The following KLHDC1 variants were observed in gnomAD, a reference collection of about 807,000 sequenced individuals.
The protein encoded by KLHDC1 is kelch domain-containing protein 1.
Under a neutral mutation model 68.3 loss-of-function variants are expected in KLHDC1, and 53 were observed. The observed-to-expected ratio is 0.78, with a 90% CI of 0.62 to 0.98. KLHDC1 has a LOEUF of 0.98. Among genes scored for constraint, KLHDC1 ranks in the 50% least tolerant of loss-of-function variants. The pLI is 0.00. For missense variants in KLHDC1, 470 were observed against 492.3 expected (o/e 0.95, Z 0.43); for synonymous variants, 148 against 159.0 (o/e 0.93, Z 0.52).
chr14:49,717,457 T>C (rs1888409001), intron 4 of KLHDC1, among the ~76,000 whole-genome samples: 2 of 152,206 alleles, frequency 1.3e-5, no homozygotes. Context: ...TGATTTGTAT[T>C]TTCCTAATGA....
chr14:49,706,455 T>C (rs555689122), intron 1 of KLHDC1, among the ~76,000 whole-genome samples: 1 of 152,320 alleles, frequency 6.6e-6, no homozygotes, highest in East Asian at 1.9e-4. Context: ...AGTGCAGATA[T>C]CTCTGCGATA....
At chr14:49,709,624 C>A in intron 2 of KLHDC1, 85 bp from the exon 3 acceptor site, 1 of 645,110 alleles carries the variant, frequency 1.6e-6, no homozygotes, top group Non-Finnish European at 2.6e-6. Flanking sequence ...ACAGTTTTCA[C>A]TGACAAAAGT....
chr14:49,695,998 G>A (rs1594642917), intron 1 of KLHDC1, among the ~76,000 whole-genome samples: 3 of 151,402 alleles, frequency 2.0e-5, no homozygotes, highest in East Asian at 2.0e-4. Context: ...CCCAGGAGGC[G>A]GAGCTTGCAG....
At chr14:49,708,008 T>C (rs1017496815) in intron 1 of KLHDC1, among the ~76,000 whole-genome samples, 1 of 151,768 alleles carries the variant, frequency 6.6e-6, no homozygotes, top group Admixed American at 6.6e-5. Flanking sequence ...CTTCTTAGCA[T>C]GTTAATAACT....
At chr14:49,693,420 A>G (rs560376486) in intron 1 of KLHDC1, 130 bp downstream of exon 1, 2 of 498,468 alleles carry the variant, frequency 4.0e-6, no homozygotes, top group South Asian at 2.0e-4. Flanking sequence ...GCAGCCCCCC[A>G]GCCCCTCCGC....
intron 12 of KLHDC1, among the ~76,000 whole-genome samples, chr14:49,748,239 G>C (rs1159820790): frequency 2.0e-5 from 3 of 152,206 alleles, no homozygotes; most frequent in African/African-American, 7.2e-5. Flanking sequence ...GGGAAAATGA[G>C]CTGGAGGTTA....
rs767154456 is a variant in KLHDC1, at chr14:49,728,947, C to A, written c.589C>A (p.Arg197=). ...EIKGGVPPQP[R]AAHTCAVLGN... The stretch of plus-strand genomic sequence containing the variant: ...GCAGGGTGGAGTTCCACCACAGCCA[C>A]GAGCCGCGCATACATGTGCAGTTCT... The change falls in exon 7 of 13, where the codon CGA becomes AGA. Residue 197 remains arginine (R), a synonymous_variant. Coordinates refer to ENST00000359332, the MANE Select transcript of KLHDC1 (RefSeq NM_172193.3). 12 of 1,613,240 alleles carry A rather than the reference C, an allele frequency of 7.4e-6. No homozygotes were observed. The East Asian group carries it at 2.0e-4, about 27-fold the overall frequency.
intron 1 of KLHDC1, among the ~76,000 whole-genome samples, chr14:49,707,272 ATGTGTGTGTG>A (rs749232051): frequency 7.2e-6 from 1 of 138,326 alleles, no homozygotes; most frequent in African/African-American, 2.8e-5. Context: ...TTCTATTTTT[ATGTGTGTGTG>A]TGTGTGTGTG....
rs545925722 is a variant in KLHDC1, at chr14:49,693,996, C to T, written c.96+706C>T. ...TGAACTCGCGACCTCAGGTGATCCG[C>T]CCGCCTTGGCTTCCCAAAATGCTGG... On this transcript the variant is annotated intron_variant, in intron 1 of 12. Transcript: ENST00000359332. Among the ~76,000 whole-genome samples the T allele has an allele frequency of 5.3e-5, 8 of 151,936 alleles. No homozygotes were observed. The South Asian group carries it at 1.5e-3, about 28-fold the overall frequency.
intron 4 of KLHDC1, among the ~76,000 whole-genome samples, chr14:49,711,499 G>A (rs1049607881): frequency 4.0e-5 from 6 of 151,898 alleles, no homozygotes; most frequent in African/African-American, 1.5e-4. Flanking sequence ...CACTGCACCT[G>A]GCCCTAATTT....
At chr14:49,700,028 AC>A (rs1299031746) in intron 1 of KLHDC1, 2 of 358,056 alleles carry the variant, frequency 5.6e-6, no homozygotes, top group African/African-American at 2.3e-5. Context: ...TTTGCTGTGA[AC>A]CTTTTTTTTT....
Position 49,730,000 on chromosome 14 carries a change from A to G in KLHDC1, c.710+452A>G, listed in dbSNP as rs145836704. ...CAAAGTATAAGTACCATTAAATACC[A>G]TAAAACCATGAAAGTCTCAGAAGAA... On this transcript the variant is annotated intron_variant, in intron 8 of 12. Transcript: ENST00000359332. Among the ~76,000 whole-genome samples, 990 of 152,346 alleles carry G rather than the reference A, an allele frequency of 6.5e-3. 6 individuals are homozygous for G. The highest frequency in any genetic ancestry group is 0.014 in the Middle Eastern group (4 of 294).
In KLHDC1 at chr14:49,729,707, C is replaced by T. The variant is rs140642487; in HGVS notation, c.710+159C>T. ...ATATAGATTTAAATAGAGTTTGTTCCTTAACCAGACAAGATAAAACATGAA... is the reference window on the plus strand; with the variant it reads ...ATATAGATTTAAATAGAGTTTGTTCTTTAACCAGACAAGATAAAACATGAA... On this transcript the variant is annotated intron_variant, in intron 8 of 12. Coordinates refer to ENST00000359332, the MANE Select transcript of KLHDC1 (RefSeq NM_172193.3). Among the ~76,000 whole-genome samples the T allele has an allele frequency of 4.9e-3, 749 of 152,144 alleles. 3 individuals are homozygous for T. The highest frequency in any genetic ancestry group is 0.016 in the African/African-American group (651 of 41,508).
intron 8 of KLHDC1, among the ~76,000 whole-genome samples, 196 bp downstream of exon 8, chr14:49,729,744 T>A (rs992716088): frequency 6.6e-6 from 1 of 152,146 alleles, no homozygotes; most frequent in Non-Finnish European, 1.5e-5. Context: ...ATACTAACAG[T>A]TGAAATTAGA....
intron 1 of KLHDC1, among the ~76,000 whole-genome samples, chr14:49,704,597 T>C (rs532715977): frequency 2.6e-5 from 4 of 152,078 alleles, no homozygotes; most frequent in South Asian, 2.1e-4. Flanking sequence ...AGTTTCACCA[T>C]GTTGGCTGGG....
intron 12 of KLHDC1, among the ~76,000 whole-genome samples, chr14:49,744,462 C>T (rs565791388): frequency 5.0e-4 from 76 of 152,050 alleles, no homozygotes; most frequent in African/African-American, 1.8e-3. Flanking sequence ...TTAGAGTGTG[C>T]CTAATAATAT....
At chr14:49,739,403 G>A (rs1889006645) in intron 10 of KLHDC1, among the ~76,000 whole-genome samples, 2 of 152,280 alleles carry the variant, frequency 1.3e-5, no homozygotes, top group East Asian at 1.9e-4. Flanking sequence ...AATTTCCATG[G>A]TTAGAGGCAA....
At chr14:49,705,024 C>T (rs1406646196) in intron 1 of KLHDC1, among the ~76,000 whole-genome samples, 3 of 151,900 alleles carry the variant, frequency 2.0e-5, no homozygotes, top group Non-Finnish European at 1.5e-5. Flanking sequence ...ACTATGAGGG[C>T]CTCTAATAGG....
chr14:49,714,819 G>T (rs1888326785), intron 4 of KLHDC1, among the ~76,000 whole-genome samples: 2 of 144,976 alleles, frequency 1.4e-5, no homozygotes, highest in African/African-American at 2.5e-5. Context: ...ATATACTTTA[G>T]CATATACTTA....
Sources: allele counts gnomAD v4.1 joint callset (sites outside exome capture counted in the v4.1 genomes callset), GRCh38; gene constraint gnomAD v4.1.1; transcripts MANE v1.5; gene names NCBI Gene and HGNC (gene_info 2026-07-23, HGNC 2026-07-21).